STX3: variants seen among roughly 807,000 people sequenced by gnomAD.
STX3 encodes the protein syntaxin-3.
In STX3, 19 loss-of-function variants were observed where a neutral mutation model predicts 40.2. The ratio of observed to expected loss-of-function variants is 0.47; its 90% CI spans 0.33 to 0.69. The LOEUF (loss-of-function observed/expected upper bound fraction) is 0.69, where lower values mean the gene tolerates loss of function less well. Among genes scored for constraint, STX3 ranks in the 30% least tolerant of loss-of-function variants. STX3 has a pLI of 0.02. For missense variants in STX3, 364 were observed against 366.7 expected, an observed-to-expected ratio of 0.99 and a Z score of 0.06; for synonymous variants, 122 against 132.2, an observed-to-expected ratio of 0.92 and a Z score of 0.53.
chr11:59,773,141 C>T (rs749831757), intron 1 of STX3, 70 bp from the exon 2 acceptor site: 63 of 1,442,442 alleles, frequency 4.4e-5, no homozygotes, highest in Middle Eastern at 3.5e-4. Context: ...CCTAGTACTT[C>T]GTGAGCATTC....
At chr11:59,781,635 C>T in intron 2 of STX3, 1 of 1,613,198 alleles carries the variant, frequency 6.2e-7, no homozygotes, top group South Asian at 1.1e-5. Context: ...CAAAGCTATT[C>T]CCACTCCTAG....
intron 1 of STX3, among the ~76,000 whole-genome samples, chr11:59,758,296 C>T (rs930373453): frequency 6.6e-6 from 1 of 151,986 alleles, no homozygotes; most frequent in African/African-American, 2.4e-5. Flanking sequence ...TTGAGCATCT[C>T]TTGGAGGGGA....
rs1380427839 is a variant in STX3 at position 59,773,232 on chromosome 11, G to A, written c.52G>A (p.Asp18Asn). 1.2e-6 allele frequency: 2 copies of A among 1,614,158 alleles called. No individual in the cohort carries two copies. Among genetic ancestry groups the A allele is most frequent in the East Asian group, 4.5e-5 (2 of 44,884 alleles). ...LKAKQLTQDDDTDAVEIAIDN... is the reference protein window; with the variant it reads ...LKAKQLTQDDNTDAVEIAIDN... ...GCAGAAGCAGCTGACACAGGATGAT[G>A]ATACTGATGCGGTTGAGATTGCTAT... The change falls in exon 2 of 11, where the codon GAT becomes AAT. Residue 18 changes from aspartate (D) to asparagine (N), a missense_variant. Coordinates refer to ENST00000337979, the MANE Select transcript of STX3 (RefSeq NM_004177.5).
chr11:59,788,946 G>C lies in STX3; in HGVS notation c.288G>C (p.Lys96Asn). 6.2e-7 allele frequency: 1 copy of C among 1,607,734 alleles called. No individual in the cohort carries two copies. The highest frequency in any genetic ancestry group is 1.7e-5 in the Admixed American group (1 of 59,170). ...KRANNVRNKL[K>N]SMEKHIEEDE... ...CCAACAACGTCCGGAACAAACTGAAGAGTAAGAAGGGAACAAAGAAAACAA... is the reference window on the plus strand; with the variant it reads ...CCAACAACGTCCGGAACAAACTGAACAGTAAGAAGGGAACAAAGAAAACAA... The change falls in exon 4 of 11, where the codon AAG (lysine) becomes AAC (asparagine). Residue 96 changes from lysine (K) to asparagine (N), a missense_variant and splice_region_variant. Coordinates refer to ENST00000337979, the MANE Select transcript of STX3 (RefSeq NM_004177.5).
chr11:59,761,007 T>G (rs1220591524), intron 1 of STX3, among the ~76,000 whole-genome samples: 1 of 152,196 alleles, frequency 6.6e-6, no homozygotes, highest in African/African-American at 2.4e-5. Flanking sequence ...TACTCATTAT[T>G]ATGACTTATT....
At chr11:59,798,098 T>A (rs895049724) in intron 10 of STX3, among the ~76,000 whole-genome samples, 1 of 152,222 alleles carries the variant, frequency 6.6e-6, no homozygotes, top group Non-Finnish European at 1.5e-5. Context: ...AGGTAGCCAC[T>A]TATCATTAAC....
In STX3 at chr11:59,797,376, A is replaced by G; in HGVS notation, c.*10A>G. On this transcript the variant is annotated 3_prime_UTR_variant, in exon 10 of 11. Transcript: ENST00000337979. ...CGTTGGGCTGAATTAAGAGTGGCCT[A>G]AGAGGCTGCTGCACTGAAATGTAAG... 6.2e-7 allele frequency: 1 copy of G among 1,614,056 alleles called. No individual in the cohort carries two copies. Among genetic ancestry groups the G allele is most frequent in the Non-Finnish European group, 8.5e-7 (1 of 1,179,946 alleles).
chr11:59,755,729 C>A, intron 1 of STX3, 94 bp downstream of exon 1: 1 of 1,413,708 alleles, frequency 7.1e-7, no homozygotes, highest in Non-Finnish European at 9.3e-7. Context: ...GAGGGGGGCC[C>A]GAGCCGGAGG....
chr11:59,783,641 C>T (rs1477280018), intron 2 of STX3, among the ~76,000 whole-genome samples: 2 of 152,196 alleles, frequency 1.3e-5, no homozygotes, highest in African/African-American at 2.4e-5. Flanking sequence ...TATACCCCTT[C>T]CCTGCAATTG....
chr11:59,790,109 T>C (rs1436501833), intron 4 of STX3, among the ~76,000 whole-genome samples: 4 of 152,258 alleles, frequency 2.6e-5, no homozygotes, highest in Non-Finnish European at 4.4e-5. Context: ...ACAGTGATAG[T>C]GCACCTGCCA....
chr11:59,796,441 T>C (rs1311593412), intron 9 of STX3, among the ~76,000 whole-genome samples: 1 of 152,232 alleles, frequency 6.6e-6, no homozygotes, highest in Non-Finnish European at 1.5e-5. Flanking sequence ...TTGTTGTTGT[T>C]TAGTTCTTTG....
chr11:59,773,313 T>G lies in STX3; in HGVS notation c.114+19T>G, dbSNP rs1378799500. 1 of 1,612,016 alleles carries G rather than the reference T, an allele frequency of 6.2e-7. No homozygotes were observed. Among genetic ancestry groups the G allele is most frequent in the South Asian group, 1.1e-5 (1 of 90,968 alleles). ...TTCTGAGGTAGGCAACCTTCCTGTA[T>G]TTTTTTCTAAATGTACATAAGGAAA... On this transcript the variant is annotated intron_variant, in intron 2 of 10. Transcript: ENST00000337979.
At chr11:59,781,100 T>TTTTTTTTTTTTTTTTTTTTTTATA (rs963410109) in intron 2 of STX3, among the ~76,000 whole-genome samples, 2 of 146,304 alleles carry the variant, frequency 1.4e-5, no homozygotes, top group Admixed American at 6.8e-5. Context: ...TTTTTTTTTT[T>TTTTTTTTTTTTTTTTTTTTTTATA]TATATTAGCA....
At chr11:59,755,656 G>A (rs756892090) in intron 1 of STX3, 21 bp downstream of exon 1, 7 of 1,590,962 alleles carry the variant, frequency 4.4e-6, no homozygotes, top group Non-Finnish European at 6.0e-6. Context: ...CCGCAGGCGG[G>A]GTGCTGCCAG....
chr11:59,799,231 A>G (rs1384793324), intron 10 of STX3, among the ~76,000 whole-genome samples: 1 of 152,096 alleles, frequency 6.6e-6, no homozygotes, highest in Non-Finnish European at 1.5e-5. Context: ...TATAGCATGC[A>G]TTGTTAAAAA....
intron 9 of STX3, 94 bp downstream of exon 9, chr11:59,795,576 C>A: frequency 6.5e-7 from 1 of 1,546,090 alleles, no homozygotes; most frequent in Non-Finnish European, 8.7e-7. Flanking sequence ...GTTTCTGCTG[C>A]CACCACCTCT....
intron 1 of STX3, among the ~76,000 whole-genome samples, chr11:59,760,696 C>T (rs1473726494): frequency 6.7e-6 from 1 of 149,388 alleles, no homozygotes; most frequent in African/African-American, 2.5e-5. Context: ...ATATTATTCT[C>T]ATTTACAAGC....
intron 1 of STX3, among the ~76,000 whole-genome samples, chr11:59,771,906 C>T (rs1034077026): frequency 7.2e-5 from 11 of 152,262 alleles, no homozygotes; most frequent in East Asian, 3.9e-4. Flanking sequence ...CCCTCAAATT[C>T]GACTCCCTTG....
intron 2 of STX3, among the ~76,000 whole-genome samples, chr11:59,774,868 T>C (rs1863870203): frequency 1.3e-5 from 2 of 152,170 alleles, no homozygotes; most frequent in African/African-American, 4.8e-5. Flanking sequence ...AGAGGAATAA[T>C]GTTTGTAACA....
Sources: allele counts gnomAD v4.1 joint callset (sites outside exome capture counted in the v4.1 genomes callset), GRCh38; gene constraint gnomAD v4.1.1; transcripts MANE v1.5; gene names NCBI Gene and HGNC (gene_info 2026-07-23, HGNC 2026-07-21).